The following TTC27 variants were observed in gnomAD, a reference collection of about 807,000 sequenced individuals.
The protein encoded by TTC27 is tetratricopeptide repeat protein 27.
In TTC27, 79 loss-of-function variants were observed where a neutral mutation model predicts 115.9. The observed-to-expected ratio is 0.68, with a 90% CI of 0.57 to 0.82. The LOEUF is 0.82. Ranked by LOEUF, TTC27 falls within the 40% of genes least tolerant of loss-of-function variation. TTC27 has a pLI of 0.00. For synonymous variants in TTC27, 401 were observed against 356.0 expected, an observed-to-expected ratio of 1.13 and a Z score of -1.42; for missense variants, 1,054 against 993.1, an observed-to-expected ratio of 1.06 and a Z score of -0.82.
chr2:32,733,525 G>A (rs908173105), intron 10 of TTC27, among the ~76,000 whole-genome samples: 2 of 152,182 alleles, frequency 1.3e-5, no homozygotes, highest in Admixed American at 6.6e-5. Flanking sequence ...CTAAAGAACA[G>A]TTCTTCATAG....
At chr2:32,650,425 A>T (rs1572476620) in intron 5 of TTC27, among the ~76,000 whole-genome samples, 192 bp downstream of exon 5, 2 of 90,680 alleles carry the variant, frequency 2.2e-5, no homozygotes, top group African/African-American at 4.3e-5. Context: ...AGTTCCTTTT[A>T]GTCTTTTTAG....
intron 9 of TTC27, among the ~76,000 whole-genome samples, chr2:32,698,604 T>C (rs1186481744): frequency 2.6e-5 from 4 of 151,158 alleles, no homozygotes; most frequent in Non-Finnish European, 4.4e-5. Flanking sequence ...CTCAGCCTCC[T>C]GAGTAGCTGG....
chr2:32,779,327 C>CT (rs1049983552), intron 14 of TTC27, among the ~76,000 whole-genome samples: 2 of 152,080 alleles, frequency 1.3e-5, no homozygotes, highest in Non-Finnish European at 2.9e-5. Context: ...TACTAGCTGT[C>CT]TTTTTTATTA....
chr2:32,762,964 C>A (rs1377789596), intron 13 of TTC27, among the ~76,000 whole-genome samples: 1 of 152,042 alleles, frequency 6.6e-6, no homozygotes, highest in African/African-American at 2.4e-5. Flanking sequence ...TTAGCCATGG[C>A]AATTCTCAGT....
chr2:32,777,884 C>T lies in TTC27; in HGVS notation c.1683C>T (p.Leu561=), dbSNP rs777420234. Reference sequence around the variant, plus strand: ...ACTTTGACTTTTGGTCTTTGCAGCTCGGGGTGTGGTTTTCTCTCGGTTGTG... The same window carrying T: ...ACTTTGACTTTTGGTCTTTGCAGCTTGGGGTGTGGTTTTCTCTCGGTTGTG... ...ERSVKINPMQ[L]GVWFSLGCAY... Residue 561 remains leucine, a splice_region_variant and synonymous_variant, in exon 14 of 20, where the codon CTC becomes CTT. Coordinates refer to ENST00000317907, the MANE Select transcript of TTC27 (RefSeq NM_017735.5). 27 of 1,613,310 alleles carry T rather than the reference C, an allele frequency of 1.7e-5. No homozygotes were observed. The highest frequency in any genetic ancestry group is 2.7e-5 in the African/African-American group (2 of 74,776).
intron 16 of TTC27, among the ~76,000 whole-genome samples, chr2:32,804,725 T>TA (rs1331861233): frequency 6.6e-6 from 1 of 151,988 alleles, no homozygotes; most frequent in Non-Finnish European, 1.5e-5. Flanking sequence ...AGCATAATGT[T>TA]ACAGTGAAAA....
At chr2:32,683,049 G>T (rs1666497522) in intron 9 of TTC27, among the ~76,000 whole-genome samples, 2 of 151,716 alleles carry the variant, frequency 1.3e-5, no homozygotes, top group African/African-American at 4.8e-5. Context: ...TAAAGATGGG[G>T]TTTCACTGTG....
intron 7 of TTC27, among the ~76,000 whole-genome samples, chr2:32,669,462 A>G (rs1248940125): frequency 2.6e-5 from 4 of 152,250 alleles, no homozygotes; most frequent in African/African-American, 7.2e-5. Flanking sequence ...GTTATATATC[A>G]TATTACCTTG....
rs774737492 is a variant in TTC27 at position 32,650,257 on chromosome 2, T to TATG, written c.640+25_640+27dup. 4.6e-5 allele frequency: 73 copies of TATG among 1,577,262 alleles called. No individual in the cohort carries two copies. In the Admixed American group the frequency reaches 1.2e-3, roughly 26 times the overall value. On this transcript the variant is annotated intron_variant, in intron 5 of 19. Transcript: ENST00000317907. ...AGGTATGTAGCAGATTTTTGTTTGA[T>TATG]ATGGGCATGTAGCTCAGTTCTAATT...
In TTC27 at chr2:32,630,502, CA is replaced by C. The variant is rs769358010; in HGVS notation, c.89-20del. ...AAAAATAATTTTTTTTGGATTACCG[CA>C]CTAATTTTTTATATTACAGAGAGTG... On this transcript the variant is annotated intron_variant, in intron 1 of 19. Coordinates refer to ENST00000317907, the MANE Select transcript of TTC27 (RefSeq NM_017735.5). 3 of 1,563,372 alleles carry C rather than the reference CA, an allele frequency of 1.9e-6. No individual in the cohort carries two copies. The highest frequency in any genetic ancestry group is 2.6e-6 in the Non-Finnish European group (3 of 1,156,782).
rs761187477 is a variant in TTC27 at position 32,728,925 on chromosome 2, C to T, written c.1234-4903C>T. Among the ~76,000 whole-genome samples, 4 of 152,080 alleles carry T rather than the reference C, an allele frequency of 2.6e-5. No individual in the cohort carries two copies. In the East Asian group the frequency reaches 7.7e-4, roughly 29 times the overall value. Reference sequence around the variant, plus strand: ...TTACAGCTGAATTGACTGCAGACTCCTGTTAGAGAAAGCTGTTTGGCTCAA... The same window carrying T: ...TTACAGCTGAATTGACTGCAGACTCTTGTTAGAGAAAGCTGTTTGGCTCAA... On this transcript the variant is annotated intron_variant, in intron 10 of 19. Transcript: ENST00000317907.
intron 5 of TTC27, among the ~76,000 whole-genome samples, chr2:32,662,241 T>A (rs1240050066): frequency 6.6e-6 from 1 of 152,188 alleles, no homozygotes; most frequent in East Asian, 1.9e-4. Context: ...TTTTTTGTTG[T>A]GTCTCTGCCA....
chr2:32,792,642 G>T (rs535054300), intron 16 of TTC27, among the ~76,000 whole-genome samples: 7 of 152,248 alleles, frequency 4.6e-5, no homozygotes, highest in African/African-American at 1.4e-4. Flanking sequence ...CAGGGAGCTA[G>T]CCAAGCAGGG....
intron 16 of TTC27, among the ~76,000 whole-genome samples, chr2:32,794,309 A>G (rs573450724): frequency 2.0e-5 from 3 of 152,312 alleles, no homozygotes; most frequent in African/African-American, 7.2e-5. Flanking sequence ...AAACTAGAAA[A>G]TTCACAAAAT....
rs1669494320 is a variant in TTC27 at position 32,762,875 on chromosome 2, T to G, written c.1680+4356T>G. Reference sequence around the variant, plus strand: ...CAGGCTGGTCTTGAACTCCTGACCTTGTGATCCGCCCGCCTCGGTCTCCCA... The same window carrying G: ...CAGGCTGGTCTTGAACTCCTGACCTGGTGATCCGCCCGCCTCGGTCTCCCA... On this transcript the variant is annotated intron_variant, in intron 13 of 19. Coordinates refer to ENST00000317907, the MANE Select transcript of TTC27 (RefSeq NM_017735.5). Among the ~76,000 whole-genome samples the G allele has an allele frequency of 2.6e-5, 4 of 152,124 alleles. No individual in the cohort carries two copies. In the South Asian group the frequency reaches 8.3e-4, roughly 32 times the overall value.
At chr2:32,770,099 C>T (rs1669778710) in intron 13 of TTC27, among the ~76,000 whole-genome samples, 1 of 152,114 alleles carries the variant, frequency 6.6e-6, no homozygotes, top group East Asian at 1.9e-4. Context: ...AGGAGACTAG[C>T]GGATGTAAAA....
At chr2:32,631,918 C>A (rs1021022928) in intron 2 of TTC27, among the ~76,000 whole-genome samples, 1 of 150,970 alleles carries the variant, frequency 6.6e-6, no homozygotes, top group Non-Finnish European at 1.5e-5. Context: ...TCAAGTGATT[C>A]TCTTCCCTCA....
intron 15 of TTC27, among the ~76,000 whole-genome samples, chr2:32,785,103 A>G (rs1329456667): frequency 6.6e-6 from 1 of 152,182 alleles, no homozygotes; most frequent in Non-Finnish European, 1.5e-5. Flanking sequence ...TGGTAAGTTT[A>G]GCTGATGATA....
intron 3 of TTC27, among the ~76,000 whole-genome samples, chr2:32,639,398 CT>C (rs1189363645): frequency 6.7e-5 from 10 of 148,508 alleles, no homozygotes; most frequent in Middle Eastern, 3.5e-3. Flanking sequence ...CAAAGGCATC[CT>C]TTTTTTTTTC....
Sources: gnomAD v4.1 joint callset for allele counts (sites outside exome capture counted in the v4.1 genomes callset) on GRCh38, gnomAD v4.1.1 for gene constraint, MANE v1.5 for transcripts, NCBI Gene and HGNC (gene_info 2026-07-23, HGNC 2026-07-21) for gene names.